KSR1: variants seen among roughly 807,000 people sequenced by gnomAD.
KSR1 encodes the protein kinase suppressor of ras 1, also known as kinase suppressor of ras.
In KSR1, 35 loss-of-function variants were observed where a neutral mutation model predicts 92.9. The observed-to-expected ratio is 0.38, with a 90% CI of 0.29 to 0.50. The LOEUF is 0.50. Ranked by LOEUF, KSR1 falls within the 20% of genes least tolerant of loss-of-function variation. The pLI, the probability that KSR1 is intolerant of heterozygous loss-of-function variation, is 0.94. For missense variants in KSR1, 972 were observed against 1,158.5 expected, an observed-to-expected ratio of 0.84 and a Z score of 2.34; for synonymous variants, 467 against 472.6, an observed-to-expected ratio of 0.99 and a Z score of 0.15.
intron 1 of KSR1, among the ~76,000 whole-genome samples, chr17:27,507,795 G>A (rs1210339821): frequency 2.0e-5 from 3 of 151,862 alleles, no homozygotes; most frequent in Admixed American, 1.3e-4. Flanking sequence ...GGCTGATCTC[G>A]AACTCCCAAC....
At chr17:27,527,581 G>C (rs2070364233) in intron 1 of KSR1, among the ~76,000 whole-genome samples, 1 of 152,132 alleles carries the variant, frequency 6.6e-6, no homozygotes, top group Non-Finnish European at 1.5e-5. Context: ...TTTTAGTAGA[G>C]ATGGGGTTTT....
chr17:27,623,359 G>C lies in KSR1; in HGVS notation c.2754G>C (p.Leu918Phe), dbSNP rs1295532322. ...KVVPRFERFG[L>F]GVLESSNPKM ...TACCCCGGTTTGAAAGGTTTGGCTT[G>C]GGCGTCCTGGAGTCCAGTAATCCAA... is the stretch of plus-strand genomic sequence containing the variant. Residue 918 changes from leucine (L) to phenylalanine (F), a missense_variant, in exon 21 of 21, where the codon TTG (leucine) becomes TTC (phenylalanine). By Grantham distance (22) the Leu-to-Phe change is conservative. Around this residue, in one of 5 missense-constraint regions of KSR1, gnomAD observed 46 missense variants for 39.0 expected, o/e 1.18. Coordinates refer to ENST00000644974, the MANE Select transcript of KSR1 (RefSeq NM_001394583.1). 1 of 764,992 alleles carries C rather than the reference G, an allele frequency of 1.3e-6. No individual in the cohort carries two copies. The highest frequency in any genetic ancestry group is 2.4e-6 in the Non-Finnish European group (1 of 417,862). The allele number at this position is 764,992 out of a possible 1,614,324, so 47.4% of individuals were successfully genotyped here.
At chr17:27,525,952 G>GC in intron 1 of KSR1, among the ~76,000 whole-genome samples, 1 of 148,666 alleles carries the variant, frequency 6.7e-6, no homozygotes, top group South Asian at 2.1e-4. Context: ...GTGGGGCCTT[G>GC]CCCCTATGGC....
intron 16 of KSR1, among the ~76,000 whole-genome samples, 192 bp downstream of exon 16, chr17:27,609,521 CT>C (rs1285207620): frequency 6.6e-6 from 1 of 152,242 alleles, no homozygotes; most frequent in East Asian, 1.9e-4. Flanking sequence ...CTCAGGCCGA[CT>C]TCCACGGAAA....
In KSR1 at chr17:27,573,823, G is replaced by A. The variant is rs188857664; in HGVS notation, c.373-3669G>A. 1.5e-4 allele frequency among the ~76,000 whole-genome samples: 23 copies of A among 152,276 alleles called. 1 individual carries two copies. Among genetic ancestry groups the A allele is most frequent in the South Asian group, 6.2e-4 (3 of 4,824 alleles). On this transcript the variant is annotated intron_variant, in intron 2 of 20. Transcript: ENST00000644974. ...GATGGACTTAACTCCATCTACTTGC[G>A]GAGTTGATTAAAGATAAAATAATGT...
chr17:27,476,721 T>A (rs2068359146), intron 1 of KSR1, among the ~76,000 whole-genome samples: 3 of 152,172 alleles, frequency 2.0e-5, no homozygotes, highest in South Asian at 4.1e-4. Flanking sequence ...GTGGTGGCGA[T>A]GAGGACATTT....
At chr17:27,471,182 A>G (rs770479303) in intron 1 of KSR1, among the ~76,000 whole-genome samples, 1 of 152,198 alleles carries the variant, frequency 6.6e-6, no homozygotes, top group Non-Finnish European at 1.5e-5. Context: ...GTGACGATTT[A>G]TTGAGCATCT....
intron 2 of KSR1, among the ~76,000 whole-genome samples, chr17:27,552,263 C>T (rs752749252): frequency 1.3e-5 from 2 of 152,178 alleles, no homozygotes; most frequent in Non-Finnish European, 2.9e-5. Flanking sequence ...CCCTGGGATG[C>T]GAGCACCATG....
intron 1 of KSR1, among the ~76,000 whole-genome samples, chr17:27,506,580 G>A (rs2069390618): frequency 6.6e-6 from 1 of 152,238 alleles, no homozygotes; most frequent in East Asian, 1.9e-4. Flanking sequence ...GCAGACTTGC[G>A]GGCCGGCAGC....
intron 1 of KSR1, among the ~76,000 whole-genome samples, chr17:27,549,835 CCTT>C (rs2071327608): frequency 6.6e-6 from 1 of 152,132 alleles, no homozygotes; most frequent in Non-Finnish European, 1.5e-5. Flanking sequence ...AAGATGGAGA[CCTT>C]TGACAAGATG....
At chr17:27,511,536 C>T (rs946364553) in intron 1 of KSR1, among the ~76,000 whole-genome samples, 4 of 152,168 alleles carry the variant, frequency 2.6e-5, no homozygotes, top group Non-Finnish European at 1.5e-5. Flanking sequence ...AGACCCCACT[C>T]AGGAGGGGCC....
chr17:27,557,462 C>G (rs940012), intron 2 of KSR1, among the ~76,000 whole-genome samples: 2 of 151,820 alleles, frequency 1.3e-5, no homozygotes, highest in Admixed American at 1.3e-4. Context: ...AGGGAGGTAA[C>G]CCTGCCTCCC....
intron 2 of KSR1, chr17:27,560,251 A>G: frequency 2.7e-6 from 1 of 377,344 alleles, no homozygotes; most frequent in Non-Finnish European, 5.2e-6. Flanking sequence ...ATGATTTCAG[A>G]GCCTGCTGGC....
intron 1 of KSR1, among the ~76,000 whole-genome samples, chr17:27,511,899 C>A (rs1403670151): frequency 6.6e-6 from 1 of 152,250 alleles, no homozygotes; most frequent in Non-Finnish European, 1.5e-5. Flanking sequence ...GCACACCCGA[C>A]AAACATCTGC....
rs762598922 is a variant in KSR1 at position 27,623,431 on chromosome 17, T to C, written c.*39T>C. On this transcript the variant is annotated 3_prime_UTR_variant, in exon 21 of 21. Coordinates refer to ENST00000644974, the MANE Select transcript of KSR1 (RefSeq NM_001394583.1). ...TTTTCGCTGCTGATCTCTTTCTTTTTAAAATGTGTTTCTGAAACATCCCAA... is the reference window on the plus strand; with the variant it reads ...TTTTCGCTGCTGATCTCTTTCTTTTCAAAATGTGTTTCTGAAACATCCCAA... The C allele has an allele frequency of 2.7e-6, 2 of 745,078 alleles. No individual in the cohort carries two copies. The highest frequency in any genetic ancestry group is 4.9e-5 in the East Asian group (2 of 40,672). 46.2% of individuals were successfully genotyped at this position (745,078 alleles called of 1,614,324 possible). A position where few individuals can be genotyped will look rare whatever the true frequency, so the allele number is the denominator to read the frequency against.
chr17:27,572,304 C>T (rs12453364), intron 2 of KSR1, among the ~76,000 whole-genome samples: 21,140 of 152,224 alleles, frequency 0.14, 1,631 homozygotes, highest in Admixed American at 0.23. Flanking sequence ...CCTGTGTGCA[C>T]CCATGCTAAC....
chr17:27,584,035 T>C (rs2072876436), intron 4 of KSR1: 1 of 932,898 alleles, frequency 1.1e-6, no homozygotes, highest in South Asian at 5.0e-5. Context: ...CCCTTCTTGA[T>C]GGGCGTTAGA....
At chr17:27,534,911 C>T (rs1234284202) in intron 1 of KSR1, among the ~76,000 whole-genome samples, 13 of 152,180 alleles carry the variant, frequency 8.5e-5, no homozygotes, top group Admixed American at 7.9e-4. Flanking sequence ...TCTGACCAGA[C>T]AAAATGGTCC....
At chr17:27,484,788 C>T (rs532824584) in intron 1 of KSR1, among the ~76,000 whole-genome samples, 167 of 152,304 alleles carry the variant, frequency 1.1e-3, no homozygotes, top group African/African-American at 3.8e-3. Flanking sequence ...CCTTCTTGAT[C>T]AGAAGAGCAC....
Sources: allele counts gnomAD v4.1 joint callset (sites outside exome capture counted in the v4.1 genomes callset), GRCh38; gene constraint gnomAD v4.1.1; regional missense constraint gnomAD v4.1.1; transcripts MANE v1.5; gene names NCBI Gene and HGNC (gene_info 2026-07-23, HGNC 2026-07-21).